Variants in AHI1 observed in about 807,000 individuals in gnomAD.
AHI1 encodes the protein Abelson helper integration site 1, also known as jouberin.
Under a neutral mutation model 149.3 loss-of-function variants are expected in AHI1, and 123 were observed. The ratio of observed to expected loss-of-function variants is 0.82; its 90% CI spans 0.71 to 0.96. The LOEUF (loss-of-function observed/expected upper bound fraction) is 0.96, where lower values mean the gene tolerates loss of function less well. Among genes scored for constraint, AHI1 ranks in the 40% least tolerant of loss-of-function variants. AHI1 has a pLI of 0.00. For synonymous variants in AHI1, 475 were observed against 459.8 expected (o/e 1.03, Z -0.42); for missense variants, 1,439 against 1,422.7 (o/e 1.01, Z -0.18).
Position 135,448,315 on chromosome 6 carries a change from A to T in AHI1, c.1601T>A (p.Val534Glu), listed in dbSNP as rs1200026660. Reference protein sequence around the residue: ...NHYPSTLYVTVRGLKVPDCIK... With the variant: ...NHYPSTLYVTERGLKVPDCIK... ...ACAGTCTGGAACTTTCAGTCCTCTT[A>T]CAGTTACGTACAGTGTTGATGGGTA... Residue 534 changes from valine to glutamate, a missense_variant, in exon 12 of 29, where the codon GTA becomes GAA. Val to Glu is a moderately radical substitution (Grantham distance 121, BLOSUM62 -2). Transcript: ENST00000265602. 6.3e-7 allele frequency: 1 copy of T among 1,596,232 alleles called. No individual in the cohort carries two copies. The highest frequency in any genetic ancestry group is 8.6e-7 in the Non-Finnish European group (1 of 1,169,020).
chr6:135,341,803 G>T (rs1209573992), intron 24 of AHI1, among the ~76,000 whole-genome samples: 2 of 151,844 alleles, frequency 1.3e-5, no homozygotes, highest in Admixed American at 6.6e-5. Context: ...ATGGGGTGTA[G>T]AAAAAGCAGT....
intron 23 of AHI1, among the ~76,000 whole-genome samples, chr6:135,385,953 TATG>T (rs892982649): frequency 2.6e-4 from 40 of 152,230 alleles, no homozygotes; most frequent in Middle Eastern, 3.2e-3. Context: ...TTACCATTTT[TATG>T]ATGTTATAGC....
intron 15 of AHI1, among the ~76,000 whole-genome samples, chr6:135,434,698 G>A (rs988742086): frequency 1.3e-5 from 2 of 151,838 alleles, no homozygotes; most frequent in Non-Finnish European, 2.9e-5. Context: ...ATATAAATGG[G>A]TTTGGGGAAA....
chr6:135,322,776 G>A (rs530132043), intron 25 of AHI1, among the ~76,000 whole-genome samples: 1 of 152,296 alleles, frequency 6.6e-6, no homozygotes, highest in East Asian at 1.9e-4. Flanking sequence ...GGTATACAAA[G>A]TAAAAGAATG....
At chr6:135,410,240 T>C (rs1178443823) in intron 21 of AHI1, among the ~76,000 whole-genome samples, 2 of 152,120 alleles carry the variant, frequency 1.3e-5, no homozygotes, top group African/African-American at 2.4e-5. Context: ...CCTGGTGGTG[T>C]GTGCCTACAG....
intron 26 of AHI1, among the ~76,000 whole-genome samples, chr6:135,305,992 T>G (rs1441990927): frequency 6.6e-6 from 1 of 152,216 alleles, no homozygotes; most frequent in Non-Finnish European, 1.5e-5. Context: ...TCTCATAGTT[T>G]CCCTTCACTA....
chr6:135,437,193 A>T (rs551419552), intron 15 of AHI1, among the ~76,000 whole-genome samples: 34 of 152,340 alleles, frequency 2.2e-4, no homozygotes, highest in African/African-American at 8.2e-4. Context: ...ACTGTGATTT[A>T]CTGTAGAGAA....
In AHI1 at chr6:135,482,894, C is replaced by CTTTTTTTTTTTTTTTTTTTTTTT. The variant is rs761997683; in HGVS notation, c.135+7728_135+7729insAAAAAAAAAAAAAAAAAAAAAAA. Among the ~76,000 whole-genome samples, 389 of 55,724 alleles carry CTTTTTTTTTTTTTTTTTTTTTTT rather than the reference C, an allele frequency of 7.0e-3. 150 individuals are homozygous for CTTTTTTTTTTTTTTTTTTTTTTT. Among genetic ancestry groups the CTTTTTTTTTTTTTTTTTTTTTTT allele is most frequent in the African/African-American group, 0.023 (250 of 10,782 alleles). 36.6% of individuals were successfully genotyped at this position (55,724 alleles called of 152,430 possible). ...TTCAACCAGTATAATCCATTTAAGG[C>CTTTTTTTTTTTTTTTTTTTTTTT]TTTTTTTTTTTTTTTGAGACAGAGT... On this transcript the variant is annotated intron_variant, in intron 5 of 28. Transcript: ENST00000265602.
intron 22 of AHI1, among the ~76,000 whole-genome samples, chr6:135,397,397 C>G (rs981293683): frequency 5.3e-5 from 8 of 151,970 alleles, no homozygotes; most frequent in African/African-American, 1.9e-4. Flanking sequence ...CCAATCTACC[C>G]TCTTTTCACA....
intron 20 of AHI1, among the ~76,000 whole-genome samples, chr6:135,423,690 A>G (rs1255489899): frequency 1.3e-5 from 2 of 152,142 alleles, no homozygotes; most frequent in Non-Finnish European, 2.9e-5. Flanking sequence ...AACACAGCTC[A>G]ACTTGACACA....
intron 23 of AHI1, among the ~76,000 whole-genome samples, chr6:135,361,718 G>T (rs1355364635): frequency 6.8e-6 from 1 of 147,704 alleles, no homozygotes; most frequent in Non-Finnish European, 1.5e-5. Context: ...TACTCTAAAG[G>T]AATATAAATT....
chr6:135,377,492 T>C (rs1367847422), intron 23 of AHI1, among the ~76,000 whole-genome samples: 5 of 151,266 alleles, frequency 3.3e-5, no homozygotes, highest in Non-Finnish European at 5.9e-5. Context: ...TTTATTTATT[T>C]ATTTATGATA....
intron 23 of AHI1, among the ~76,000 whole-genome samples, chr6:135,376,518 T>C (rs769929371): frequency 6.6e-6 from 1 of 152,128 alleles, no homozygotes; most frequent in Non-Finnish European, 1.5e-5. Flanking sequence ...TTTTATAGTA[T>C]TTTTGCCAAA....
At chr6:135,357,058 C>G (rs1231838125) in intron 24 of AHI1, among the ~76,000 whole-genome samples, 1 of 152,188 alleles carries the variant, frequency 6.6e-6, no homozygotes, top group East Asian at 1.9e-4. Flanking sequence ...CCTGCCTCAG[C>G]CTCCCGAGTA....
At chr6:135,434,509 T>C (rs1480799999) in intron 15 of AHI1, among the ~76,000 whole-genome samples, 1 of 152,026 alleles carries the variant, frequency 6.6e-6, no homozygotes, top group Non-Finnish European at 1.5e-5. Flanking sequence ...AGTAGCATTA[T>C]TTAAAATACT....
intron 20 of AHI1, among the ~76,000 whole-genome samples, chr6:135,421,606 G>T (rs1783168168): frequency 6.6e-6 from 1 of 151,928 alleles, no homozygotes; most frequent in South Asian, 2.1e-4. Flanking sequence ...CTTTGTTGTT[G>T]TCTATTTTAC....
chr6:135,429,975 C>T lies in AHI1; in HGVS notation c.2399G>A (p.Gly800Glu). The change falls in exon 18 of 29, where the codon GGA becomes GAA. Residue 800 changes from glycine (G) to glutamate (E), a missense_variant. Coordinates refer to ENST00000265602, the MANE Select transcript of AHI1 (RefSeq NM_001134831.2). ...AATCTCCAAATAACTTATTGGAATT[C>T]CCTTAAACTCAGTTTCTTTAATTTC... ...NKEIKETEFKGIPISYLEIHP... is the reference protein window; with the variant it reads ...NKEIKETEFKEIPISYLEIHP... 2 of 1,569,720 alleles carry T rather than the reference C, an allele frequency of 1.3e-6. No individual in the cohort carries two copies. The highest frequency in any genetic ancestry group is 2.4e-5 in the South Asian group (2 of 83,456).
Position 135,492,289 on chromosome 6 carries a change from A to G in AHI1, c.-52T>C. On this transcript the variant is annotated splice_region_variant and 5_prime_UTR_variant, in exon 4 of 29. Transcript: ENST00000265602. The stretch of plus-strand genomic sequence containing the variant: ...AATGCAAAGCATTGACTCAATCAGG[A>G]TCCTATCGAAACAAAGGAGATGTAT... The G allele has an allele frequency of 6.6e-7, 1 of 1,516,544 alleles. No homozygotes were observed. The highest frequency in any genetic ancestry group is 1.3e-5 in the South Asian group (1 of 74,904). The allele number at this position is 1,516,544 out of a possible 1,614,324, so 93.9% of individuals were successfully genotyped here.
At chr6:135,287,071 A>C (rs749718318) in intron 28 of AHI1, among the ~76,000 whole-genome samples, 1 of 152,192 alleles carries the variant, frequency 6.6e-6, no homozygotes, top group Non-Finnish European at 1.5e-5. Flanking sequence ...AGGCAAAACA[A>C]AGTGAGAGGA....
Sources: allele counts gnomAD v4.1 joint callset (sites outside exome capture counted in the v4.1 genomes callset), GRCh38; gene constraint gnomAD v4.1.1; transcripts MANE v1.5; gene names NCBI Gene and HGNC (gene_info 2026-07-23, HGNC 2026-07-21).